The following POLDIP3 variants were observed in gnomAD, a reference collection of about 807,000 sequenced individuals.
POLDIP3 encodes the protein DNA polymerase delta interacting protein 3.
POLDIP3 carries 14 observed loss-of-function variants against 45.1 expected under a neutral mutation model. The observed-to-expected ratio is 0.31, with a 90% CI of 0.20 to 0.49. POLDIP3 has a LOEUF of 0.49. POLDIP3 is among the 20% of genes least tolerant of loss of function. POLDIP3 has a pLI of 0.99. For synonymous variants in POLDIP3, 223 were observed against 205.2 expected, an observed-to-expected ratio of 1.09 and a Z score of -0.74; for missense variants, 511 against 538.8, an observed-to-expected ratio of 0.95 and a Z score of 0.51.
intron 3 of POLDIP3, among the ~76,000 whole-genome samples, chr22:42,600,318 T>C (rs1349999633): frequency 6.6e-6 from 1 of 152,160 alleles, no homozygotes; most frequent in East Asian, 1.9e-4. Flanking sequence ...AAAAGAATGA[T>C]ACAAAATTGG....
chr22:42,584,876 C>T lies in POLDIP3; in HGVS notation c.*915G>A, dbSNP rs1018614200. The T allele has an allele frequency of 4.4e-6, 2 of 456,070 alleles. No homozygotes were observed. Among genetic ancestry groups the T allele is most frequent in the Non-Finnish European group, 8.8e-6 (2 of 226,942 alleles). 28.3% of individuals were successfully genotyped at this position (456,070 alleles called of 1,614,324 possible). ...AATGGAGAGCCAGGAACAAACTGACCTCTTCCATTCAAATAAGCTCCAAAC... is the reference window on the plus strand; with the variant it reads ...AATGGAGAGCCAGGAACAAACTGACTTCTTCCATTCAAATAAGCTCCAAAC... On this transcript the variant is annotated 3_prime_UTR_variant, in exon 9 of 9. Transcript: ENST00000252115.
At chr22:42,586,413 G>A (rs147474554) in intron 8 of POLDIP3, among the ~76,000 whole-genome samples, 13 of 152,064 alleles carry the variant, frequency 8.5e-5, no homozygotes, top group African/African-American at 3.1e-4. Context: ...CACTAGTCTC[G>A]ATCTTCCAGG....
chr22:42,588,187 G>A (rs1183673819), intron 7 of POLDIP3, among the ~76,000 whole-genome samples: 2 of 152,210 alleles, frequency 1.3e-5, no homozygotes, highest in Non-Finnish European at 2.9e-5. Context: ...CGGGCGCGGT[G>A]GCTCACGCCT....
chr22:42,595,423 T>C (rs1228000574), intron 6 of POLDIP3, 114 bp downstream of exon 6: 14 of 913,662 alleles, frequency 1.5e-5, no homozygotes, highest in Admixed American at 7.3e-5. Context: ...TGAGCGTGAC[T>C]ATATGCTGAG....
chr22:42,589,456 C>A (rs1479459790), intron 7 of POLDIP3, among the ~76,000 whole-genome samples: 2 of 152,028 alleles, frequency 1.3e-5, no homozygotes, highest in African/African-American at 4.8e-5. Flanking sequence ...ATGCAAGTAA[C>A]AACAGAACCT....
intron 1 of POLDIP3, chr22:42,603,662 A>C (rs1192618697): frequency 6.4e-6 from 1 of 156,038 alleles, no homozygotes; most frequent in African/African-American, 2.4e-5. Context: ...AGTGTCTCTA[A>C]GGAAGGCAGA....
At chr22:42,610,988 C>T (rs192827648) in intron 1 of POLDIP3, among the ~76,000 whole-genome samples, 104 of 152,262 alleles carry the variant, frequency 6.8e-4, no homozygotes, top group African/African-American at 2.2e-3. Flanking sequence ...AGACTCTCTA[C>T]GGATCTTTCA....
chr22:42,614,113 T>C (rs1243018719), intron 1 of POLDIP3, among the ~76,000 whole-genome samples: 1 of 152,092 alleles, frequency 6.6e-6, no homozygotes, highest in Admixed American at 6.5e-5. Flanking sequence ...AGCCAGCAAT[T>C]AAATCGCGCT....
intron 8 of POLDIP3, 98 bp from the exon 9 acceptor site, chr22:42,586,066 T>C: frequency 8.7e-7 from 1 of 1,154,902 alleles, no homozygotes; most frequent in African/African-American, 1.6e-5. Flanking sequence ...AGCTAGGCAC[T>C]GGGTGTAACA....
chr22:42,598,673 C>T (rs555862317), intron 4 of POLDIP3, among the ~76,000 whole-genome samples: 124 of 152,164 alleles, frequency 8.1e-4, no homozygotes, highest in Non-Finnish European at 1.1e-3. Flanking sequence ...CGTGAGCCAC[C>T]GCACCTGGCC....
chr22:42,602,236 T>G (rs1250294596), intron 2 of POLDIP3, 180 bp from the exon 3 acceptor site: 3 of 1,003,492 alleles, frequency 3.0e-6, no homozygotes, highest in Non-Finnish European at 4.3e-6. Flanking sequence ...CCAGAGACCA[T>G]GCCGGTAACG....
At chr22:42,601,698 T>G (rs1601898646) in intron 3 of POLDIP3, among the ~76,000 whole-genome samples, 1 of 152,060 alleles carries the variant, frequency 6.6e-6, no homozygotes. Context: ...GAGGCAGAGG[T>G]TGCAGTGAGC....
intron 1 of POLDIP3, among the ~76,000 whole-genome samples, chr22:42,605,235 C>T (rs1601903623): frequency 6.6e-6 from 1 of 152,268 alleles, no homozygotes. Context: ...TCATGCCATT[C>T]TCCTGCGCCA....
chr22:42,614,681 C>T (rs1569309008), intron 1 of POLDIP3, 118 bp downstream of exon 1: 5 of 1,139,124 alleles, frequency 4.4e-6, no homozygotes, highest in Non-Finnish European at 6.4e-6. Context: ...AGGAGCGCGG[C>T]TGTGGTCGGG....
At position 42,605,202 on chromosome 22, in the gene POLDIP3, A is replaced by G. The variant is rs1327704862; in HGVS notation, c.60-2042T>C. ...GAGTGCAGTGGCGCAATCTTGGCTCACCGCAAGCTCCGCCTCCCGGGTTCA... is the reference window on the plus strand; with the variant it reads ...GAGTGCAGTGGCGCAATCTTGGCTCGCCGCAAGCTCCGCCTCCCGGGTTCA... On this transcript the variant is annotated intron_variant, in intron 1 of 8. Transcript: ENST00000252115. Among the ~76,000 whole-genome samples the G allele has an allele frequency of 1.2e-4, 19 of 152,292 alleles. No homozygotes were observed. In the East Asian group the frequency reaches 2.9e-3, roughly 23 times the overall value.
chr22:42,598,842 C>A (rs1926165878), intron 4 of POLDIP3, among the ~76,000 whole-genome samples: 1 of 152,206 alleles, frequency 6.6e-6, no homozygotes, highest in Non-Finnish European at 1.5e-5. Context: ...CTTGGCTGTA[C>A]CACTGAGCTG....
chr22:42,598,949 T>G (rs545307002), intron 4 of POLDIP3, among the ~76,000 whole-genome samples: 2 of 152,266 alleles, frequency 1.3e-5, no homozygotes, highest in African/African-American at 4.8e-5. Context: ...TTTCCCTGCA[T>G]GCAGGCTGCA....
intron 6 of POLDIP3, among the ~76,000 whole-genome samples, chr22:42,594,247 G>A (rs905191120): frequency 6.6e-6 from 1 of 151,986 alleles, no homozygotes; most frequent in African/African-American, 2.4e-5. Flanking sequence ...GGGCGACAGA[G>A]CAAGACTCCA....
At chr22:42,608,549 T>C (rs137975448) in intron 1 of POLDIP3, among the ~76,000 whole-genome samples, 105 of 152,258 alleles carry the variant, frequency 6.9e-4, no homozygotes, top group African/African-American at 2.4e-3. Context: ...AATTTATACA[T>C]ATATATAAAG....
Sources: gnomAD v4.1 joint callset for allele counts (sites outside exome capture counted in the v4.1 genomes callset) on GRCh38, gnomAD v4.1.1 for gene constraint, MANE v1.5 for transcripts, NCBI Gene and HGNC (gene_info 2026-07-23, HGNC 2026-07-21) for gene names.